RGS14: variants seen among roughly 807,000 people sequenced by gnomAD.
The protein encoded by RGS14 is regulator of G-protein signaling 14.
A neutral mutation model predicts 63.8 loss-of-function variants in RGS14; 33 were observed. The ratio of observed to expected loss-of-function variants is 0.52; its 90% confidence interval spans 0.39 to 0.69. RGS14 has a LOEUF of 0.69. Among genes scored for constraint, RGS14 ranks in the 30% least tolerant of loss-of-function variants. RGS14 has a pLI of 0.00. For missense variants in RGS14, 739 were observed against 742.9 expected (o/e 0.99, Z 0.06); for synonymous variants, 296 against 320.9 (o/e 0.92, Z 0.83).
At chr5:177,367,977 T>G (rs896579074) in intron 7 of RGS14, 152 bp downstream of exon 7, 1 of 1,438,464 alleles carries the variant, frequency 7.0e-7, no homozygotes. Context: ...CCTGGGTGGT[T>G]CGGGTCTTGG....
At chr5:177,370,294 G>A (rs932540391) in intron 9 of RGS14, among the ~76,000 whole-genome samples, 1 of 152,204 alleles carries the variant, frequency 6.6e-6, no homozygotes, top group Admixed American at 6.5e-5. Flanking sequence ...CAGAGATCCC[G>A]GATCTAGGCC....
At chr5:177,362,246 C>T (rs899317902) in intron 1 of RGS14, among the ~76,000 whole-genome samples, 2 of 152,218 alleles carry the variant, frequency 1.3e-5, no homozygotes, top group African/African-American at 4.8e-5. Flanking sequence ...TCAGCTCCAG[C>T]TATGCTATCA....
At chr5:177,368,063 G>A in intron 7 of RGS14, 94 bp from the exon 8 acceptor site, 2 of 1,533,278 alleles carry the variant, frequency 1.3e-6, no homozygotes, top group Non-Finnish European at 8.7e-7. Context: ...CCTGCAGGAT[G>A]GCTCCAAACA....
intron 3 of RGS14, 126 bp from the exon 4 acceptor site, chr5:177,366,582 G>C (rs1430723692): frequency 3.2e-6 from 3 of 925,988 alleles, no homozygotes; most frequent in Non-Finnish European, 1.7e-6. Context: ...CCGTCTGTCT[G>C]TCTGGCCCTG....
At position 177,368,148 on chromosome 5, in the gene RGS14, C is replaced by T; in HGVS notation, c.740-9C>T. On this transcript the variant is annotated splice_polypyrimidine_tract_variant and intron_variant, in intron 7 of 14. Transcript: ENST00000408923. ...GGGCTGTTCGCGTTCATCGCTCCCTCTTCACTAGAGCTGGGCGGGACTGCA... is the reference window on the plus strand; with the variant it reads ...GGGCTGTTCGCGTTCATCGCTCCCTTTTCACTAGAGCTGGGCGGGACTGCA... 1 of 1,611,940 alleles carries T rather than the reference C, an allele frequency of 6.2e-7. No homozygotes were observed. Among genetic ancestry groups the T allele is most frequent in the Middle Eastern group, 1.7e-4 (1 of 6,036 alleles).
intron 9 of RGS14, among the ~76,000 whole-genome samples, chr5:177,369,941 G>T (rs948673123): frequency 6.6e-6 from 1 of 152,250 alleles, no homozygotes; most frequent in Admixed American, 6.5e-5. Flanking sequence ...CCCCACATCA[G>T]GCTGGAGCAG....
At chr5:177,366,649 C>T (rs1762099078) in intron 3 of RGS14, 59 bp from the exon 4 acceptor site, 1 of 1,505,140 alleles carries the variant, frequency 6.6e-7, no homozygotes, top group East Asian at 2.3e-5. Flanking sequence ...GATCACATCC[C>T]CCAGTTTGGT....
At chr5:177,367,619 G>T (rs1024915764) in intron 6 of RGS14, 62 bp downstream of exon 6, 4 of 1,581,704 alleles carry the variant, frequency 2.5e-6, no homozygotes, top group Non-Finnish European at 3.4e-6. Context: ...CGTGCAAGAG[G>T]GGACGCCTCC....
intron 1 of RGS14, among the ~76,000 whole-genome samples, chr5:177,361,665 G>C (rs1289079771): frequency 6.6e-6 from 1 of 152,174 alleles, no homozygotes; most frequent in Non-Finnish European, 1.5e-5. Context: ...CGTAAAGATG[G>C]AGGGAGGACA....
At position 177,368,710 on chromosome 5, in the gene RGS14, G is replaced by A. The variant is rs781185000; in HGVS notation, c.850-7G>A. 3.7e-5 allele frequency: 60 copies of A among 1,613,712 alleles called. No homozygotes were observed. Among genetic ancestry groups the A allele is most frequent in the Non-Finnish European group, 5.0e-5 (59 of 1,179,922 alleles). ...ACATAATCTCCCCCACTCCTGCCAT[G>A]AATCAGAGCCACCGGAAGAGCCTTG... On this transcript the variant is annotated splice_region_variant and splice_polypyrimidine_tract_variant and intron_variant, in intron 8 of 14. Transcript: ENST00000408923.
At chr5:177,366,645 A>G (rs1762098843) in intron 3 of RGS14, 63 bp from the exon 4 acceptor site, 2 of 1,487,158 alleles carry the variant, frequency 1.3e-6, no homozygotes, top group Admixed American at 1.7e-5. Flanking sequence ...TTTTGATCAC[A>G]TCCCCCAGTT....
In RGS14 at chr5:177,358,149, G is replaced by A. The variant is rs115453290; in HGVS notation, c.45+80G>A. On this transcript the variant is annotated intron_variant, in intron 1 of 14. Transcript: ENST00000408923. This position sits in a 1 kb window ranked among gnomAD's most constrained non-coding sequence, Gnocchi z 4.8. The stretch of plus-strand genomic sequence containing the variant: ...GGAGCCCAGGAGGCACACCCGGCAG[G>A]GCCAGGCAAGAGCCCACGGGCTGCC... 1,767 of 1,185,736 alleles carry A rather than the reference G, an allele frequency of 1.5e-3. 21 individuals carry two copies. In the African/African-American group the frequency reaches 0.023, roughly 16 times the overall value. 73.5% of individuals were successfully genotyped at this position (1,185,736 alleles called of 1,614,324 possible). A position where few individuals can be genotyped will look rare whatever the true frequency, so the allele number is the denominator to read the frequency against.
In RGS14 at chr5:177,371,314, G is replaced by A. The variant is rs770201849; in HGVS notation, c.1337-36G>A. The A allele has an allele frequency of 1.2e-6, 2 of 1,614,088 alleles. No individual in the cohort carries two copies. Among genetic ancestry groups the A allele is most frequent in the South Asian group, 2.2e-5 (2 of 91,080 alleles). On this transcript the variant is annotated intron_variant, in intron 12 of 14. Coordinates refer to ENST00000408923, the MANE Select transcript of RGS14 (RefSeq NM_006480.5). This position sits in a 1 kb window ranked among gnomAD's most constrained non-coding sequence, Gnocchi z 6.1. ...GCCCAGGAGGAAGGGGGTCCAGGTG[G>A]GAGGCAAACACTAACTGTGGCCCTC...
In RGS14 at chr5:177,372,233, A is replaced by G; in HGVS notation, c.*158A>G. 1 of 695,188 alleles carries G rather than the reference A, an allele frequency of 1.4e-6. No individual in the cohort carries two copies. 43.1% of individuals were successfully genotyped at this position (695,188 alleles called of 1,614,324 possible). Reference sequence around the variant, plus strand: ...GCCGGTAGGGGTGGAAAGGGGACTCAGATGAGACACACCCCACAGCTGCCA... The same window carrying G: ...GCCGGTAGGGGTGGAAAGGGGACTCGGATGAGACACACCCCACAGCTGCCA... On this transcript the variant is annotated 3_prime_UTR_variant, in exon 15 of 15. Transcript: ENST00000408923.
chr5:177,365,601 T>G (rs1011054590), intron 1 of RGS14, among the ~76,000 whole-genome samples: 12 of 152,334 alleles, frequency 7.9e-5, no homozygotes, highest in Admixed American at 7.8e-4. Flanking sequence ...TATTTACAGA[T>G]TACAGATGGA....
intron 1 of RGS14, among the ~76,000 whole-genome samples, chr5:177,361,810 G>A (rs1046611939): frequency 2.0e-5 from 3 of 152,124 alleles, no homozygotes; most frequent in Admixed American, 6.5e-5. Flanking sequence ...ATGACCGGCC[G>A]AGGTCCAAGC....
Position 177,358,009 on chromosome 5 carries a change from C to G in RGS14, c.-16C>G, listed in dbSNP as rs1380309325. On this transcript the variant is annotated 5_prime_UTR_variant, in exon 1 of 15. Transcript: ENST00000408923. The surrounding 1 kb of genome is among the most constrained non-coding windows in gnomAD (Gnocchi z 4.8). The stretch of plus-strand genomic sequence containing the variant: ...GTGGGCAGCCCCCGCGGCGGGGACC[C>G]CTGATCGGCAGCGGCATGCCAGGGA... The G allele has an allele frequency of 1.5e-6, 2 of 1,355,558 alleles. No individual in the cohort carries two copies. Among genetic ancestry groups the G allele is most frequent in the South Asian group, 3.6e-5 (2 of 55,586 alleles). The allele number at this position is 1,355,558 out of a possible 1,614,324, so 84.0% of individuals were successfully genotyped here. A position where few individuals can be genotyped will look rare whatever the true frequency, so the allele number is the denominator to read the frequency against.
Position 177,372,197 on chromosome 5 carries a change from C to T in RGS14, c.*122C>T. On this transcript the variant is annotated 3_prime_UTR_variant, in exon 15 of 15. Transcript: ENST00000408923. ...TGGCCCCTTCCTGCCATGGGCAGGC[C>T]CGCAGGAAGAGCCGGTAGGGGTGGA... 1 of 990,308 alleles carries T rather than the reference C, an allele frequency of 1.0e-6. No individual in the cohort carries two copies. The highest frequency in any genetic ancestry group is 1.5e-6 in the Non-Finnish European group (1 of 663,986). The allele number at this position is 990,308 out of a possible 1,614,324, so 61.3% of individuals were successfully genotyped here. A position where few individuals can be genotyped will look rare whatever the true frequency, so the allele number is the denominator to read the frequency against.
At chr5:177,367,670 G>T (rs1463904071) in intron 6 of RGS14, 44 bp from the exon 7 acceptor site, 2 of 1,598,280 alleles carry the variant, frequency 1.3e-6, no homozygotes, top group African/African-American at 1.3e-5. Flanking sequence ...TCTGCATGCG[G>T]GCTGGGGCCC....
Sources: gnomAD v4.1 joint callset for allele counts (sites outside exome capture counted in the v4.1 genomes callset) on GRCh38, gnomAD v4.1.1 for gene constraint, Gnocchi (gnomAD v3.1) non-coding constraint, MANE v1.5 for transcripts, NCBI Gene and HGNC (gene_info 2026-07-23, HGNC 2026-07-21) for gene names.